FANCD2: variants seen among roughly 807,000 people sequenced by gnomAD.
FANCD2 encodes FA complementation group D2.
In FANCD2, 131 loss-of-function variants were observed where a neutral mutation model predicts 192.3. The observed-to-expected ratio is 0.68, with a 90% CI of 0.59 to 0.79. The LOEUF (loss-of-function observed/expected upper bound fraction) is 0.79. Among genes scored for constraint, FANCD2 ranks in the 30% least tolerant of loss-of-function variants. FANCD2 has a pLI of 0.00. For synonymous variants in FANCD2, 524 were observed against 612.5 expected (o/e 0.86, Z 2.13); for missense variants, 1,508 against 1,701.6 (o/e 0.89, Z 2.00).
intron 26 of FANCD2, among the ~76,000 whole-genome samples, chr3:10,069,459 G>GGCCC (rs758011243): frequency 7.7e-6 from 1 of 129,432 alleles, no homozygotes; most frequent in Admixed American, 7.2e-5. Context: ...TAGTTAAGAT[G>GGCCC]CCTCTCCCCC....
rs183015594 is a variant in FANCD2 at position 10,026,803 on chromosome 3, T to G, written c.-34+330T>G. 6.8e-4 allele frequency among the ~76,000 whole-genome samples: 104 copies of G among 152,304 alleles called. No homozygotes were observed. In the East Asian group the frequency reaches 0.016, roughly 24 times the overall value. ...TGGAAGCCGGACGTGCTGACAAGAC[T>G]TAGTTTTTCCATCTGCAAGATGGCT... On this transcript the variant is annotated intron_variant, in intron 1 of 43. Coordinates refer to ENST00000675286, the MANE Select transcript of FANCD2 (RefSeq NM_001018115.3).
chr3:10,033,328 G>C (rs959828765), intron 3 of FANCD2, among the ~76,000 whole-genome samples: 1 of 152,130 alleles, frequency 6.6e-6, no homozygotes, highest in African/African-American at 2.4e-5. Context: ...TTGAACCCGG[G>C]AGGTGAAAGT....
chr3:10,066,495 G>A (rs563423275), intron 25 of FANCD2, among the ~76,000 whole-genome samples: 32 of 152,220 alleles, frequency 2.1e-4, no homozygotes, highest in Admixed American at 1.5e-3. Context: ...TTACACATAC[G>A]AATTTCAATA....
At chr3:10,092,121 A>G (rs371097813) in intron 37 of FANCD2, 60 bp from the exon 38 acceptor site, 1 of 1,119,210 alleles carries the variant, frequency 8.9e-7, no homozygotes, top group Non-Finnish European at 1.4e-6. Flanking sequence ...CTTAGTGGGA[A>G]TACAGTAAGG....
chr3:10,101,345 C>G lies in FANCD2; in HGVS notation c.*83C>G, dbSNP rs1695287654. On this transcript the variant is annotated 3_prime_UTR_variant, in exon 44 of 44. Coordinates refer to ENST00000675286, the MANE Select transcript of FANCD2 (RefSeq NM_001018115.3). Reference sequence around the variant, plus strand: ...TTAGAGTTTGAAATCCGCTGTTTGCCTTTCTTACTGGTAGGATCCTTTTTT... The same window carrying G: ...TTAGAGTTTGAAATCCGCTGTTTGCGTTTCTTACTGGTAGGATCCTTTTTT... 2.1e-6 allele frequency: 2 copies of G among 931,154 alleles called. No homozygotes were observed. Among genetic ancestry groups the G allele is most frequent in the East Asian group, 2.6e-5 (1 of 38,814 alleles). The allele number at this position is 931,154 out of a possible 1,614,324, so 57.7% of individuals were successfully genotyped here. A position where few individuals can be genotyped will look rare whatever the true frequency, so the allele number is the denominator to read the frequency against.
In FANCD2 at chr3:10,065,921, C is replaced by T. The variant is rs759198130; in HGVS notation, c.2327C>T (p.Ala776Val). The T allele has an allele frequency of 4.3e-6, 7 of 1,613,730 alleles. No individual in the cohort carries two copies. The South Asian group carries it at 6.6e-5, about 15-fold the overall frequency. The change falls in exon 25 of 44, where the codon GCT becomes GTT. Residue 776 changes from alanine (A) to valine (V), a missense_variant. Transcript: ENST00000675286. Reference sequence around the variant, plus strand: ...GGAGAGAAGTTGGAGTCCATGTCTGCTAAAGAGCGTTCATTCATGTGTTCT... The same window carrying T: ...GGAGAGAAGTTGGAGTCCATGTCTGTTAAAGAGCGTTCATTCATGTGTTCT... ...EPGEKLESMSAKERSFMCSLI... is the reference protein window; with the variant it reads ...EPGEKLESMSVKERSFMCSLI...
intron 43 of FANCD2, 108 bp from the exon 44 acceptor site, chr3:10,101,080 G>A: frequency 1.3e-6 from 1 of 794,730 alleles, no homozygotes; most frequent in Non-Finnish European, 2.1e-6. Context: ...AAAAAAAAAA[G>A]TTTTAACAGT....
rs2125090641 is a variant in FANCD2 at position 10,094,298 on chromosome 3, C to T, written c.3898C>T (p.Leu1300Phe). ...VLHVCLKYGR[L>F]FVEAFLKQCM... ...TGTCTCTCTTCTTCAGTATGGGCGT[C>T]TCTTTGTGGAAGCATTTCTGAAGCA... The change falls in exon 40 of 44, where the codon CTC becomes TTC. Residue 1300 changes from leucine (L) to phenylalanine (F), a missense_variant. Leu to Phe is a conservative substitution (Grantham distance 22). Coordinates refer to ENST00000675286, the MANE Select transcript of FANCD2 (RefSeq NM_001018115.3). 5.0e-6 allele frequency: 8 copies of T among 1,613,980 alleles called. No individual in the cohort carries two copies. Among genetic ancestry groups the T allele is most frequent in the Non-Finnish European group, 6.8e-6 (8 of 1,179,878 alleles).
chr3:10,061,373 C>T (rs1438166248), intron 19 of FANCD2, among the ~76,000 whole-genome samples: 1 of 152,198 alleles, frequency 6.6e-6, no homozygotes, highest in African/African-American at 2.4e-5. Context: ...TCATCACTCC[C>T]CTGTGACACA....
chr3:10,042,990 G>A, intron 11 of FANCD2, 60 bp from the exon 12 acceptor site: 1 of 1,385,486 alleles, frequency 7.2e-7, no homozygotes, highest in African/African-American at 1.4e-5. Context: ...TAGAGAGACT[G>A]GACTGTGCCT....
At chr3:10,040,707 AT>A (rs762172462) in intron 9 of FANCD2, 26 of 364,076 alleles carry the variant, frequency 7.1e-5, no homozygotes, top group Admixed American at 1.5e-4. Context: ...TACTAGAAGT[AT>A]TTTTTTTAAA....
chr3:10,094,000 A>G (rs1694806402), intron 39 of FANCD2, among the ~76,000 whole-genome samples: 1 of 152,210 alleles, frequency 6.6e-6, no homozygotes, highest in African/African-American at 2.4e-5. Flanking sequence ...ATCCTCAGAT[A>G]GAGCTCCCCT....
rs1053384407 is a variant in FANCD2 at position 10,039,599 on chromosome 3, A to G, written c.571-122A>G. 4 of 1,118,362 alleles carry G rather than the reference A, an allele frequency of 3.6e-6. No homozygotes were observed. The Admixed American group carries it at 6.9e-5, about 19-fold the overall frequency. The allele number at this position is 1,118,362 out of a possible 1,614,324, so 69.3% of individuals were successfully genotyped here. On this transcript the variant is annotated intron_variant, in intron 8 of 43. Coordinates refer to ENST00000675286, the MANE Select transcript of FANCD2 (RefSeq NM_001018115.3). ...AAATATTTGGGAAGATTCTTTTTCA[A>G]AGTACAGAGATAAATGACTGTGTTT...
intron 43 of FANCD2, chr3:10,099,148 G>A (rs1695155675): frequency 6.9e-7 from 1 of 1,459,730 alleles, no homozygotes; most frequent in Non-Finnish European, 9.0e-7. Context: ...TGAGTGTTGA[G>A]AAGAATGAGT....
At chr3:10,078,658 C>G (rs964324834) in intron 30 of FANCD2, among the ~76,000 whole-genome samples, 1 of 149,118 alleles carries the variant, frequency 6.7e-6, no homozygotes, top group Non-Finnish European at 1.5e-5. Context: ...CCGGCCTCAT[C>G]TTGCTTTAAA....
intron 37 of FANCD2, 25 bp from the exon 38 acceptor site, chr3:10,092,156 G>T: frequency 6.4e-7 from 1 of 1,554,640 alleles, no homozygotes; most frequent in South Asian, 1.1e-5. Context: ...TGACTCAGAG[G>T]TGCCCATATA....
chr3:10,055,637 C>G (rs1324307447), intron 18 of FANCD2, among the ~76,000 whole-genome samples: 4 of 151,818 alleles, frequency 2.6e-5, no homozygotes, highest in Non-Finnish European at 5.9e-5. Context: ...ACGGTGAAAC[C>G]CCGTCTTTAC....
chr3:10,055,874 G>T (rs1450428270), intron 18 of FANCD2, among the ~76,000 whole-genome samples: 2 of 151,884 alleles, frequency 1.3e-5, no homozygotes, highest in East Asian at 3.9e-4. Context: ...TTTTGTTGTT[G>T]TTGTGTTTTA....
intron 6 of FANCD2, among the ~76,000 whole-genome samples, 180 bp from the exon 7 acceptor site, chr3:10,036,107 A>ATTTTTTTTTTTTTTTTTTTTTTTTTT (rs2086725272): frequency 1.1e-5 from 1 of 93,558 alleles, no homozygotes; most frequent in African/African-American, 4.5e-5. Flanking sequence ...TTTTTTTTTG[A>ATTTTTTTTTTTTTTTTTTTTTTTTTT]GTCAGAGTCT....
Sources: allele counts gnomAD v4.1 joint callset (sites outside exome capture counted in the v4.1 genomes callset), GRCh38; gene constraint gnomAD v4.1.1; transcripts MANE v1.5; gene names NCBI Gene and HGNC (gene_info 2026-07-23, HGNC 2026-07-21).